Variants in FKBP5 observed in about 807,000 individuals in gnomAD.
FKBP5 encodes the protein peptidyl-prolyl cis-trans isomerase FKBP5.
In FKBP5, 23 loss-of-function variants were observed where a neutral mutation model predicts 50.5. The observed-to-expected ratio is 0.46, with a 90% CI of 0.33 to 0.65. The LOEUF (loss-of-function observed/expected upper bound fraction) is 0.65, where lower values mean the gene tolerates loss of function less well. FKBP5 is among the 30% of genes least tolerant of loss of function. The probability of loss-of-function intolerance (pLI) is 0.02; values close to 1 mark genes in which losing one functional copy is unlikely to be tolerated. For missense variants in FKBP5, 411 were observed against 553.1 expected (o/e 0.74, Z 2.58); for synonymous variants, 176 against 190.6 (o/e 0.92, Z 0.63).
intron 1 of FKBP5, among the ~76,000 whole-genome samples, chr6:35,669,390 TA>T (rs1765322609): frequency 6.6e-6 from 1 of 152,218 alleles, no homozygotes; most frequent in South Asian, 2.1e-4. Context: ...GCACATACTG[TA>T]TCTATTATCA....
chr6:35,635,101 G>A (rs1167888524), intron 3 of FKBP5, among the ~76,000 whole-genome samples: 1 of 151,758 alleles, frequency 6.6e-6, no homozygotes, highest in Non-Finnish European at 1.5e-5. Flanking sequence ...TGGGTGGGCT[G>A]AGGTGGGCGG....
intron 1 of FKBP5, among the ~76,000 whole-genome samples, chr6:35,681,790 C>A (rs2151010533): frequency 6.6e-6 from 1 of 152,074 alleles, no homozygotes; most frequent in East Asian, 1.9e-4. Context: ...ACCATATATA[C>A]CATTATATAT....
chr6:35,703,171 G>A (rs1332049146), intron 2 of FKBP5, among the ~76,000 whole-genome samples: 7 of 151,586 alleles, frequency 4.6e-5, no homozygotes, highest in African/African-American at 1.7e-4. Flanking sequence ...AATTGCTTGA[G>A]ACTGGGAGGT....
chr6:35,673,266 T>C (rs989825602), intron 1 of FKBP5, among the ~76,000 whole-genome samples: 1 of 152,050 alleles, frequency 6.6e-6, no homozygotes, highest in African/African-American at 2.4e-5. Flanking sequence ...ATCTAAGAGA[T>C]TGGCTGGGTG....
intron 3 of FKBP5, among the ~76,000 whole-genome samples, chr6:35,621,825 AT>A (rs1016561003): frequency 2.0e-5 from 3 of 151,934 alleles, no homozygotes; most frequent in African/African-American, 4.8e-5. Context: ...CCACAAAAAA[AT>A]ATATTTAAAA....
chr6:35,584,276 A>G, intron 8 of FKBP5: 1 of 985,480 alleles, frequency 1.0e-6, no homozygotes, highest in Non-Finnish European at 1.2e-6. Flanking sequence ...TGAGGACTTT[A>G]CATCTTCAAT....
At chr6:35,633,615 T>C (rs1003284425) in intron 3 of FKBP5, among the ~76,000 whole-genome samples, 15 of 152,012 alleles carry the variant, frequency 9.9e-5, no homozygotes, top group Admixed American at 9.8e-4. Flanking sequence ...TCTTGTTTTG[T>C]AGGCAACTAA....
intron 5 of FKBP5, among the ~76,000 whole-genome samples, chr6:35,611,578 G>A (rs1581813655): frequency 6.6e-6 from 1 of 152,170 alleles, no homozygotes; most frequent in Non-Finnish European, 1.5e-5. Flanking sequence ...AAGCAAAGCT[G>A]AAAAGTAGCA....
chr6:35,710,069 A>G (rs972964895), intron 2 of FKBP5, among the ~76,000 whole-genome samples: 1 of 152,208 alleles, frequency 6.6e-6, no homozygotes, highest in Non-Finnish European at 1.5e-5. Context: ...ATGCAGAAAC[A>G]GAAGGATGCT....
chr6:35,686,563 C>T (rs977056927), intron 1 of FKBP5, among the ~76,000 whole-genome samples: 2 of 152,118 alleles, frequency 1.3e-5, no homozygotes, highest in African/African-American at 4.8e-5. Context: ...TTCCTTTCAA[C>T]TATTTACATA....
In FKBP5 at chr6:35,661,334, T is replaced by C. The variant is rs558026396; in HGVS notation, c.-19-18491A>G. Among the ~76,000 whole-genome samples, 74 of 83,494 alleles carry C rather than the reference T, an allele frequency of 8.9e-4. 28 individuals carry two copies. In the South Asian group the frequency reaches 0.031, roughly 35 times the overall value. The allele number at this position is 83,494 out of a possible 152,430, so 54.8% of individuals were successfully genotyped here. ...GGAGAATATTATGGTATGTGAATTTTATCTCAATTAAGCTGCTAAAAAATT... is the reference window on the plus strand; with the variant it reads ...GGAGAATATTATGGTATGTGAATTTCATCTCAATTAAGCTGCTAAAAAATT... On this transcript the variant is annotated intron_variant, in intron 1 of 10. Transcript: ENST00000357266.
intron 1 of FKBP5, among the ~76,000 whole-genome samples, chr6:35,684,822 T>C (rs1765778205): frequency 6.6e-6 from 1 of 152,054 alleles, no homozygotes; most frequent in African/African-American, 2.4e-5. Context: ...AGCTCAGGAG[T>C]TGGACACCAG....
chr6:35,649,433 G>GT (rs11414221), intron 1 of FKBP5, among the ~76,000 whole-genome samples: 92,420 of 147,360 alleles, frequency 0.63, 28,916 homozygotes, highest in East Asian at 0.69. Flanking sequence ...TGGCTAAAAG[G>GT]TTTTTTTTTT....
chr6:35,697,727 G>A (rs1007805656), intron 2 of FKBP5, among the ~76,000 whole-genome samples: 1 of 152,156 alleles, frequency 6.6e-6, no homozygotes, highest in African/African-American at 2.4e-5. Flanking sequence ...GGCTGGAGGT[G>A]TAGGAGAGGG....
chr6:35,626,145 T>G (rs1394197125), intron 3 of FKBP5, among the ~76,000 whole-genome samples: 1 of 152,184 alleles, frequency 6.6e-6, no homozygotes, highest in Non-Finnish European at 1.5e-5. Flanking sequence ...TTTATCAATT[T>G]CAGGAGTCTT....
chr6:35,723,643 A>G (rs1766651665), intron 1 of FKBP5, among the ~76,000 whole-genome samples: 1 of 152,218 alleles, frequency 6.6e-6, no homozygotes, highest in African/African-American at 2.4e-5. Context: ...AGAAGAATGA[A>G]CTCAGAGAAA....
Position 35,654,928 on chromosome 6 carries a change from T to C in FKBP5, c.-19-12085A>G, listed in dbSNP as rs1343468882. On this transcript the variant is annotated intron_variant, in intron 1 of 10. Transcript: ENST00000357266. ...GCAGCTGGGTCCAGTGCCAAGTGCC[T>C]GAACCTCCAGCAACTTTGGAGTTTG... 2.0e-5 allele frequency among the ~76,000 whole-genome samples: 3 copies of C among 152,316 alleles called. No individual in the cohort carries two copies. In the East Asian group the frequency reaches 5.8e-4, roughly 29 times the overall value.
intron 8 of FKBP5, chr6:35,583,411 G>A: frequency 1.0e-6 from 1 of 985,364 alleles, no homozygotes; most frequent in Non-Finnish European, 1.2e-6. Context: ...CAAAAAACAG[G>A]TATTAGACTT....
At chr6:35,641,765 G>A (rs1764497240) in intron 2 of FKBP5, among the ~76,000 whole-genome samples, 1 of 152,076 alleles carries the variant, frequency 6.6e-6, no homozygotes, top group South Asian at 2.1e-4. Flanking sequence ...AACACTTTGC[G>A]AGGCCAAGGC....
Sources: gnomAD v4.1 joint callset for allele counts (sites outside exome capture counted in the v4.1 genomes callset) on GRCh38, gnomAD v4.1.1 for gene constraint, MANE v1.5 for transcripts, NCBI Gene and HGNC (gene_info 2026-07-23, HGNC 2026-07-21) for gene names.